SLC25A26: variants seen among roughly 807,000 people sequenced by gnomAD.
SLC25A26 encodes mitochondrial S-adenosylmethionine carrier protein.
Under a neutral mutation model 37.8 loss-of-function variants are expected in SLC25A26, and 36 were observed. The ratio of observed to expected loss-of-function variants is 0.95; its 90% CI spans 0.73 to 1.26. The LOEUF (loss-of-function observed/expected upper bound fraction) is 1.26. Ranked by LOEUF, SLC25A26 falls within the 50% of genes most tolerant of loss-of-function variation. The pLI is 0.00. For synonymous variants in SLC25A26, 129 were observed against 122.5 expected, an observed-to-expected ratio of 1.05 and a Z score of -0.35; for missense variants, 390 against 331.1, an observed-to-expected ratio of 1.18 and a Z score of -1.38.
chr3:66,216,072 C>T (rs948466223), upstream of SLC25A26, among the ~76,000 whole-genome samples: 19 of 152,114 alleles, frequency 1.2e-4, no homozygotes, highest in East Asian at 2.5e-3. Flanking sequence ...GCTTCTTTTA[C>T]GAAGACTTTA....
chr3:66,366,603 A>C (rs970759435), intron 7 of SLC25A26, among the ~76,000 whole-genome samples: 1 of 152,244 alleles, frequency 6.6e-6, no homozygotes, highest in African/African-American at 2.4e-5. Flanking sequence ...ATTGGTAGGC[A>C]TCCCCACTAA....
At chr3:66,193,353 T>G (rs936558794) in intron 1 of SLC25A26, among the ~76,000 whole-genome samples, 2 of 152,176 alleles carry the variant, frequency 1.3e-5, no homozygotes, top group Non-Finnish European at 2.9e-5. Context: ...GGTTCCTTTT[T>G]TTGTCAACAA....
At chr3:66,274,976 C>G (rs1024027451) in intron 5 of SLC25A26, among the ~76,000 whole-genome samples, 22 of 151,940 alleles carry the variant, frequency 1.4e-4, no homozygotes, top group African/African-American at 5.3e-4. Flanking sequence ...GCACTATTCA[C>G]AATAGCAAAG....
At chr3:66,208,756 A>G (rs1477604796) in intron 1 of SLC25A26, among the ~76,000 whole-genome samples, 1 of 32,220 alleles carries the variant, frequency 3.1e-5, no homozygotes, top group African/African-American at 6.4e-5. Context: ...GTATATATAT[A>G]TTTATATGGG....
intron 5 of SLC25A26, among the ~76,000 whole-genome samples, chr3:66,311,288 T>C (rs1304048173): frequency 1.3e-5 from 2 of 152,082 alleles, no homozygotes; most frequent in Admixed American, 6.5e-5. Flanking sequence ...ATTCGGCTAT[T>C]GATACTTGTG....
At chr3:66,246,987 G>A (rs1273265235) in intron 3 of SLC25A26, among the ~76,000 whole-genome samples, 5 of 151,872 alleles carry the variant, frequency 3.3e-5, no homozygotes, top group Non-Finnish European at 5.9e-5. Context: ...TCAGCCTCCC[G>A]AGTCGCTGGG....
intron 2 of SLC25A26, among the ~76,000 whole-genome samples, chr3:66,239,673 T>G (rs1320260953): frequency 6.6e-6 from 1 of 152,212 alleles, no homozygotes; most frequent in African/African-American, 2.4e-5. Flanking sequence ...TTAGAGACAG[T>G]AAGTATGCCT....
Position 66,370,593 on chromosome 3 carries a change from G to C in SLC25A26, c.698G>C (p.Gly233Ala). The change falls in exon 9 of 10, where the codon GGG becomes GCG. Residue 233 changes from glycine (G) to alanine (A), a missense_variant. Gly to Ala is a moderately conservative substitution (Grantham distance 60). Coordinates refer to ENST00000354883, the MANE Select transcript of SLC25A26 (RefSeq NM_001379210.1). Reference sequence around the variant, plus strand: ...CTGCATGGGGTCTGGCGGTCACAGGGGCTGGCAGGGTAAGACGAGGAATGC... The same window carrying C: ...CTGCATGGGGTCTGGCGGTCACAGGCGCTGGCAGGGTAAGACGAGGAATGC... ...SVLHGVWRSQGLAGLFAGVFP... is the reference protein window; with the variant it reads ...SVLHGVWRSQALAGLFAGVFP... 1 of 1,613,600 alleles carries C rather than the reference G, an allele frequency of 6.2e-7. No individual in the cohort carries two copies. The highest frequency in any genetic ancestry group is 2.2e-5 in the East Asian group (1 of 44,864).
At chr3:66,257,367 AG>A (rs1369992028) in intron 3 of SLC25A26, among the ~76,000 whole-genome samples, 4 of 152,128 alleles carry the variant, frequency 2.6e-5, no homozygotes, top group Non-Finnish European at 5.9e-5. Context: ...TTAAAAAAAA[AG>A]AAAAGACTCT....
At chr3:66,243,856 A>G (rs1559609445) in intron 3 of SLC25A26, among the ~76,000 whole-genome samples, 1 of 152,250 alleles carries the variant, frequency 6.6e-6, no homozygotes, top group South Asian at 2.1e-4. Context: ...TCCAGCTCCC[A>G]CTGGTTCTTT....
intron 1 of SLC25A26, among the ~76,000 whole-genome samples, chr3:66,171,198 AT>A (rs1431834192): frequency 1.3e-5 from 2 of 152,182 alleles, no homozygotes; most frequent in African/African-American, 4.8e-5. Flanking sequence ...CATTATGAAT[AT>A]TTTACATTTG....
intron 5 of SLC25A26, among the ~76,000 whole-genome samples, chr3:66,288,717 A>G (rs2074600097): frequency 6.6e-6 from 1 of 152,204 alleles, no homozygotes; most frequent in South Asian, 2.1e-4. Flanking sequence ...TTCTTTATCC[A>G]GTCTATCATT....
chr3:66,286,741 G>A (rs897931386), intron 5 of SLC25A26, among the ~76,000 whole-genome samples: 3 of 152,038 alleles, frequency 2.0e-5, no homozygotes, highest in African/African-American at 4.8e-5. Flanking sequence ...GTGCAGTGGC[G>A]TGATCTCAGC....
At chr3:66,185,486 C>T (rs1445430656) in intron 1 of SLC25A26, among the ~76,000 whole-genome samples, 1 of 152,122 alleles carries the variant, frequency 6.6e-6, no homozygotes, top group Non-Finnish European at 1.5e-5. Flanking sequence ...ATTGCTGGAT[C>T]ATCTAGTAAT....
At chr3:66,359,406 T>C (rs1365032757) in intron 6 of SLC25A26, among the ~76,000 whole-genome samples, 1 of 152,252 alleles carries the variant, frequency 6.6e-6, no homozygotes, top group Non-Finnish European at 1.5e-5. Flanking sequence ...CATAACATTT[T>C]TGATTTCTTA....
intron 1 of SLC25A26, among the ~76,000 whole-genome samples, chr3:66,208,366 TA>T (rs1233508263): frequency 2.0e-5 from 3 of 151,956 alleles, no homozygotes; most frequent in Admixed American, 6.6e-5. Flanking sequence ...CCTTTTTTTT[TA>T]AAGGAAATCA....
chr3:66,369,381 A>C, intron 7 of SLC25A26, 97 bp from the exon 8 acceptor site: 1 of 978,982 alleles, frequency 1.0e-6, no homozygotes, highest in South Asian at 1.4e-5. Context: ...AGGTGTACAT[A>C]ATGACGAAGT....
intron 5 of SLC25A26, 141 bp from the exon 6 acceptor site, chr3:66,346,223 A>T: frequency 2.1e-6 from 1 of 465,742 alleles, no homozygotes; most frequent in Admixed American, 4.4e-5. Flanking sequence ...TTTTCTAAAC[A>T]TTATGTCTAC....
intron 1 of SLC25A26, among the ~76,000 whole-genome samples, chr3:66,177,559 G>T (rs972879727): frequency 5.9e-5 from 9 of 152,206 alleles, no homozygotes; most frequent in African/African-American, 1.7e-4. Flanking sequence ...CCCCACTGTT[G>T]CCTTTTGCCC....
Sources: allele counts gnomAD v4.1 joint callset (sites outside exome capture counted in the v4.1 genomes callset), GRCh38; gene constraint gnomAD v4.1.1; transcripts MANE v1.5; gene names NCBI Gene and HGNC (gene_info 2026-07-23, HGNC 2026-07-21).